Variants in WDPCP observed in about 807,000 individuals in gnomAD.
WDPCP encodes WD repeat containing planar cell polarity effector, also known as WD repeat-containing and planar cell polarity effector protein fritz homolog.
Under a neutral mutation model 93.1 loss-of-function variants are expected in WDPCP, and 71 were observed. That is an observed-to-expected ratio of 0.76 (90% CI 0.63 to 0.93). WDPCP has a LOEUF of 0.93. Ranked by LOEUF, WDPCP falls within the 40% of genes least tolerant of loss-of-function variation. WDPCP has a pLI of 0.00. For synonymous variants in WDPCP, 315 were observed against 315.0 expected, an observed-to-expected ratio of 1.00 and a Z score of 0.00; for missense variants, 844 against 887.4, an observed-to-expected ratio of 0.95 and a Z score of 0.62.
chr2:63,505,446 T>C (rs915361831), intron 1 of WDPCP, among the ~76,000 whole-genome samples: 4 of 152,036 alleles, frequency 2.6e-5, no homozygotes, highest in African/African-American at 9.7e-5. Flanking sequence ...TTCCCTAATA[T>C]AGTAGGAAAT....
At chr2:63,610,553 A>G (rs1709603935) in intron 3 of WDPCP, among the ~76,000 whole-genome samples, 1 of 151,886 alleles carries the variant, frequency 6.6e-6, no homozygotes, top group African/African-American at 2.4e-5. Context: ...AAATACACAT[A>G]TTTATTTTGA....
chr2:63,251,078 A>C (rs1435923040), intron 14 of WDPCP, among the ~76,000 whole-genome samples: 1 of 152,226 alleles, frequency 6.6e-6, no homozygotes, highest in African/African-American at 2.4e-5. Flanking sequence ...AAACAAGAAT[A>C]AACTAACCCC....
intron 2 of WDPCP, among the ~76,000 whole-genome samples, chr2:63,492,216 G>A (rs560434423): frequency 5.3e-5 from 8 of 151,650 alleles, no homozygotes; most frequent in South Asian, 2.1e-4. Flanking sequence ...GTGTTACTTC[G>A]TATAAAGATT....
intron 10 of WDPCP, among the ~76,000 whole-genome samples, chr2:63,386,725 T>C (rs181809771): frequency 1.3e-5 from 2 of 152,164 alleles, no homozygotes; most frequent in South Asian, 2.1e-4. Flanking sequence ...CAAAGACTTG[T>C]AGATGAAAGT....
At chr2:63,578,870 A>G (rs528683939) in intron 1 of WDPCP, among the ~76,000 whole-genome samples, 1 of 152,302 alleles carries the variant, frequency 6.6e-6, no homozygotes, top group Non-Finnish European at 1.5e-5. Context: ...CTTATTCTTA[A>G]TGAGGCTCAA....
At chr2:63,742,246 AAAGG>A (rs576977461) in intron 2 of WDPCP, among the ~76,000 whole-genome samples, 2 of 151,958 alleles carry the variant, frequency 1.3e-5, no homozygotes, top group African/African-American at 2.4e-5. Flanking sequence ...GAAGAAGAGA[AAAGG>A]AAGGAAGGGA....
chr2:63,153,289 T>C (rs943516247), intron 16 of WDPCP, among the ~76,000 whole-genome samples: 4 of 152,166 alleles, frequency 2.6e-5, no homozygotes, highest in African/African-American at 9.6e-5. Flanking sequence ...TCTCCAAATT[T>C]ATCTATATTT....
chr2:63,603,904 G>A (rs1164138184), intron 3 of WDPCP, among the ~76,000 whole-genome samples: 8 of 152,110 alleles, frequency 5.3e-5, no homozygotes, highest in Admixed American at 1.3e-4. Flanking sequence ...TGATCTGCCC[G>A]CCTTGGCCTC....
intron 13 of WDPCP, among the ~76,000 whole-genome samples, chr2:63,286,857 G>C (rs1559284296): frequency 6.6e-6 from 1 of 151,572 alleles, no homozygotes; most frequent in African/African-American, 2.4e-5. Context: ...AGTTTTCTTT[G>C]TTGTGTTTTT....
chr2:63,797,090 G>A (rs960786338), intron 2 of WDPCP, among the ~76,000 whole-genome samples: 12 of 152,112 alleles, frequency 7.9e-5, no homozygotes, highest in African/African-American at 2.7e-4. Context: ...GGGCCAGAAG[G>A]GAACATGCTG....
intron 3 of WDPCP, among the ~76,000 whole-genome samples, chr2:63,634,624 A>C (rs1291497197): frequency 6.6e-6 from 1 of 152,250 alleles, no homozygotes; most frequent in Non-Finnish European, 1.5e-5. Flanking sequence ...GTCAGGCTAC[A>C]AAACAAGTCT....
At chr2:63,734,145 G>T (rs1470902738) in intron 2 of WDPCP, among the ~76,000 whole-genome samples, 1 of 152,056 alleles carries the variant, frequency 6.6e-6, no homozygotes, top group Non-Finnish European at 1.5e-5. Flanking sequence ...CCATTCACCA[G>T]TTGATGAACA....
chr2:63,281,165 G>A (rs1559278300), intron 13 of WDPCP, among the ~76,000 whole-genome samples: 1 of 151,968 alleles, frequency 6.6e-6, no homozygotes, highest in South Asian at 2.1e-4. Context: ...AAAAAAGTAG[G>A]CTAAGGACAT....
chr2:63,715,901 T>C (rs900866811), intron 2 of WDPCP, among the ~76,000 whole-genome samples: 17 of 152,138 alleles, frequency 1.1e-4, no homozygotes, highest in African/African-American at 4.1e-4. Flanking sequence ...AAGAAAGACA[T>C]GGTATAGGAA....
chr2:63,152,256 T>A (rs1671934390), intron 17 of WDPCP, among the ~76,000 whole-genome samples: 1 of 151,734 alleles, frequency 6.6e-6, no homozygotes, highest in South Asian at 2.1e-4. Flanking sequence ...TCATCAGTTA[T>A]CAACTCCTGG....
chr2:63,194,149 CACACTTTGTTGTCCTTCCAA>C (rs1319205629), intron 14 of WDPCP, among the ~76,000 whole-genome samples: 6 of 152,080 alleles, frequency 3.9e-5, no homozygotes, highest in African/African-American at 1.2e-4. Context: ...TCACTTAGTT[CACACTTTGTTGTCCTTCCAA>C]ATACAGTATT....
At chr2:63,354,710 A>ATG (rs1442217694) in intron 12 of WDPCP, among the ~76,000 whole-genome samples, 17 of 143,298 alleles carry the variant, frequency 1.2e-4, no homozygotes, top group African/African-American at 4.4e-4. Context: ...GTATGTATAT[A>ATG]TGTATGTGTG....
intron 1 of WDPCP, among the ~76,000 whole-genome samples, chr2:63,561,336 G>A (rs1225592246): frequency 3.3e-5 from 5 of 152,142 alleles, no homozygotes; most frequent in African/African-American, 1.2e-4. Context: ...AAACCAGCTG[G>A]GCGTGGTGGC....
intron 2 of WDPCP, among the ~76,000 whole-genome samples, chr2:63,661,238 G>A (rs1014187498): frequency 1.3e-5 from 2 of 152,194 alleles, no homozygotes; most frequent in Non-Finnish European, 2.9e-5. Flanking sequence ...CTCATTTAAA[G>A]ACTCAACTAG....
Sources: allele counts gnomAD v4.1 joint callset (sites outside exome capture counted in the v4.1 genomes callset), GRCh38; gene constraint gnomAD v4.1.1; transcripts MANE v1.5; gene names NCBI Gene and HGNC (gene_info 2026-07-23, HGNC 2026-07-21).